The following DLGAP4 variants were observed in gnomAD, a reference collection of about 807,000 sequenced individuals.
DLGAP4 encodes the protein DLG associated protein 4, also known as disks large-associated protein 4.
A neutral mutation model predicts 86.9 loss-of-function variants in DLGAP4; 18 were observed. That is an observed-to-expected ratio of 0.21 (90% CI 0.14 to 0.31). The LOEUF is 0.31. DLGAP4 is among the 10% of genes least tolerant of loss of function. The probability of loss-of-function intolerance (pLI) is 1.00; values close to 1 mark genes in which losing one functional copy is unlikely to be tolerated. For synonymous variants in DLGAP4, 548 were observed against 574.3 expected (o/e 0.95, Z 0.65); for missense variants, 1,085 against 1,362.6 (o/e 0.80, Z 3.21).
intron 1 of DLGAP4, among the ~76,000 whole-genome samples, chr20:36,352,936 G>T (rs1036766008): frequency 6.6e-6 from 1 of 152,130 alleles, no homozygotes; most frequent in Non-Finnish European, 1.5e-5. Flanking sequence ...TCCACAAGAG[G>T]GGGGCTACGG....
At chr20:36,462,534 CG>C (rs752378065) in intron 7 of DLGAP4, 4 of 1,601,140 alleles carry the variant, frequency 2.5e-6, no homozygotes, top group Non-Finnish European at 3.4e-6. Context: ...CTGTCTTTGC[CG>C]GGTCTCTGGG....
intron 10 of DLGAP4, among the ~76,000 whole-genome samples, chr20:36,517,572 G>A (rs2037120865): frequency 6.6e-6 from 1 of 151,842 alleles, no homozygotes; most frequent in African/African-American, 2.4e-5. Flanking sequence ...CGGCCTAGTA[G>A]TTTCTTAATG....
chr20:36,349,615 A>G (rs2030076334), intron 1 of DLGAP4, among the ~76,000 whole-genome samples: 1 of 152,212 alleles, frequency 6.6e-6, no homozygotes, highest in East Asian at 1.9e-4. Flanking sequence ...AGAAACAGGA[A>G]GGAGGCCGGA....
intron 1 of DLGAP4, among the ~76,000 whole-genome samples, chr20:36,351,050 C>T (rs1278889829): frequency 6.6e-6 from 1 of 152,266 alleles, no homozygotes; most frequent in African/African-American, 2.4e-5. Flanking sequence ...AGTGACTTCA[C>T]CTCTCACAAC....
intron 2 of DLGAP4, among the ~76,000 whole-genome samples, chr20:36,403,965 AGCAAGTTGGAAACT>A (rs2032237769): frequency 6.6e-6 from 1 of 152,238 alleles, no homozygotes; most frequent in Non-Finnish European, 1.5e-5. Flanking sequence ...GATCCAAAAC[AGCAAGTTGGAAACT>A]GCAGTATCTT....
At chr20:36,386,498 A>G (rs2031603370) in intron 2 of DLGAP4, among the ~76,000 whole-genome samples, 1 of 151,866 alleles carries the variant, frequency 6.6e-6, no homozygotes, top group Admixed American at 6.6e-5. Flanking sequence ...GGGAGGGAGG[A>G]AAGAAAGAAG....
intron 10 of DLGAP4, among the ~76,000 whole-genome samples, chr20:36,523,748 C>T (rs1156623707): frequency 6.6e-6 from 1 of 152,200 alleles, no homozygotes; most frequent in Non-Finnish European, 1.5e-5. Flanking sequence ...ACTGTAACCT[C>T]CACCCGCTGG....
chr20:36,432,017 G>T lies in DLGAP4; in HGVS notation c.300G>T (p.Leu100=). The T allele has an allele frequency of 6.2e-7, 1 of 1,614,128 alleles. No homozygotes were observed. The highest frequency in any genetic ancestry group is 2.2e-5 in the East Asian group (1 of 44,878). Residue 100 remains leucine (L), a synonymous_variant, in exon 3 of 13, where the codon CTG becomes CTT. Transcript: ENST00000339266. The surrounding 1 kb of genome is among the most constrained non-coding windows in gnomAD (Gnocchi z 6.5). The part of the protein sequence containing the change: ...SHAQATKINR[L]PANLLDQFEK... Reference sequence around the variant, plus strand: ...CCCAAGCCACCAAGATCAACCGGCTGCCCGCCAACCTCCTGGACCAGTTTG... The same window carrying T: ...CCCAAGCCACCAAGATCAACCGGCTTCCCGCCAACCTCCTGGACCAGTTTG...
At chr20:36,461,390 C>A in intron 7 of DLGAP4, 1 of 924,836 alleles carries the variant, frequency 1.1e-6, no homozygotes, top group Non-Finnish European at 1.3e-6. Flanking sequence ...TCCCTGACGA[C>A]GCGCGCGCGG....
At chr20:36,484,992 T>C (rs2035348002) in intron 7 of DLGAP4, among the ~76,000 whole-genome samples, 2 of 152,270 alleles carry the variant, frequency 1.3e-5, no homozygotes, top group African/African-American at 4.8e-5. Flanking sequence ...TCAGGGTAGA[T>C]GTGATATTTT....
intron 1 of DLGAP4, among the ~76,000 whole-genome samples, chr20:36,364,783 T>C (rs1433006790): frequency 6.6e-6 from 1 of 152,172 alleles, no homozygotes; most frequent in African/African-American, 2.4e-5. Context: ...GACTGTATAA[T>C]GGTGCTTCCC....
At chr20:36,499,561 C>T in intron 8 of DLGAP4, 27 bp from the exon 9 acceptor site, 1 of 1,606,762 alleles carries the variant, frequency 6.2e-7, no homozygotes, top group Non-Finnish European at 8.5e-7. Flanking sequence ...TGTCTCCGTG[C>T]CGTTGCTGTC....
At chr20:36,494,364 C>T (rs2035793020) in intron 7 of DLGAP4, among the ~76,000 whole-genome samples, 1 of 152,152 alleles carries the variant, frequency 6.6e-6, no homozygotes, top group South Asian at 2.1e-4. Context: ...TTCTGGAATC[C>T]ACTAGAAGGC....
chr20:36,432,641 G>A lies in DLGAP4; in HGVS notation c.924G>A (p.Lys308=). ...GCCACGCCCACGAGGTCTGCCAGAA[G>A]ACCTCAGCCACCTTGGATAAGAGCC... ...TLSHAHEVCQ[K]TSATLDKSLL... Residue 308 remains lysine, a synonymous_variant, in exon 3 of 13, where the codon AAG becomes AAA. Coordinates refer to ENST00000339266, the MANE Select transcript of DLGAP4 (RefSeq NM_001365621.2). The surrounding 1 kb of genome is among the most constrained non-coding windows in gnomAD (Gnocchi z 6.5). 1 of 1,613,148 alleles carries A rather than the reference G, an allele frequency of 6.2e-7. No homozygotes were observed. The highest frequency in any genetic ancestry group is 8.5e-7 in the Non-Finnish European group (1 of 1,179,698).
At position 36,431,092 on chromosome 20, in the gene DLGAP4, GGC is replaced by G. The variant is rs2033116629; in HGVS notation, c.-72-553_-72-552del. On this transcript the variant is annotated intron_variant, in intron 2 of 12. Coordinates refer to ENST00000339266, the MANE Select transcript of DLGAP4 (RefSeq NM_001365621.2). The surrounding 1 kb of genome is among the most constrained non-coding windows in gnomAD (Gnocchi z 5.1). ...CCCCCATAGACCACCCTGGATACTG[GGC>G]ACCCTGGGATTCCCTGCCCAAATGA... Among the ~76,000 whole-genome samples, 1 of 152,058 alleles carries G rather than the reference GGC, an allele frequency of 6.6e-6. No individual in the cohort carries two copies. The highest frequency in any genetic ancestry group is 2.1e-4 in the South Asian group (1 of 4,822).
At chr20:36,312,769 G>A (rs997338258) in intron 1 of DLGAP4, among the ~76,000 whole-genome samples, 191 of 152,234 alleles carry the variant, frequency 1.3e-3, no homozygotes, top group Middle Eastern at 0.01. Context: ...GTGAGCACTC[G>A]GCCTCTGGGT....
chr20:36,449,348 C>T (rs2033676121), intron 7 of DLGAP4, among the ~76,000 whole-genome samples: 1 of 152,238 alleles, frequency 6.6e-6, no homozygotes, highest in East Asian at 1.9e-4. Context: ...TCTTGGTGAC[C>T]ACTTAATGTA....
intron 6 of DLGAP4, among the ~76,000 whole-genome samples, chr20:36,443,913 T>C (rs2033519712): frequency 6.6e-6 from 1 of 152,182 alleles, no homozygotes; most frequent in Admixed American, 6.5e-5. Context: ...ATGGGGACTA[T>C]TGCCCCATTT....
intron 10 of DLGAP4, among the ~76,000 whole-genome samples, chr20:36,512,178 G>C (rs1269256847): frequency 6.6e-6 from 1 of 150,542 alleles, no homozygotes; most frequent in East Asian, 2.0e-4. Flanking sequence ...AGCCTCCCAA[G>C]TAGCTGGGAC....
Sources: allele counts gnomAD v4.1 joint callset (sites outside exome capture counted in the v4.1 genomes callset), GRCh38; gene constraint gnomAD v4.1.1; non-coding constraint Gnocchi (gnomAD v3.1); transcripts MANE v1.5; gene names NCBI Gene and HGNC (gene_info 2026-07-23, HGNC 2026-07-21).